EFHC1: variants seen among roughly 807,000 people sequenced by gnomAD.
EFHC1 encodes EF-hand domain containing 1, also known as EF-hand domain-containing protein 1.
EFHC1 carries 53 observed loss-of-function variants against 69.9 expected under a neutral mutation model. That is an observed-to-expected ratio of 0.76 (90% CI 0.61 to 0.95). The LOEUF (loss-of-function observed/expected upper bound fraction) is 0.95. Among genes scored for constraint, EFHC1 ranks in the 40% least tolerant of loss-of-function variants. The pLI is 0.00. For synonymous variants in EFHC1, 256 were observed against 278.4 expected, an observed-to-expected ratio of 0.92 and a Z score of 0.80; for missense variants, 739 against 798.7, an observed-to-expected ratio of 0.93 and a Z score of 0.90.
At position 52,471,058 on chromosome 6, in the gene EFHC1, A is replaced by G. The variant is rs112003811; in HGVS notation, c.1278+1585A>G. On this transcript the variant is annotated intron_variant, in intron 7 of 10. Coordinates refer to ENST00000371068, the MANE Select transcript of EFHC1 (RefSeq NM_018100.4). ...TTGAAGGTGCTGGACAACTAGCAAG[A>G]TGTGAAGAATCACAGAGCAAGAACC... Among the ~76,000 whole-genome samples, 1,349 of 152,330 alleles carry G rather than the reference A, an allele frequency of 8.9e-3. 16 individuals are homozygous for G. Among genetic ancestry groups the G allele is most frequent in the African/African-American group, 0.031 (1,303 of 41,564 alleles).
chr6:52,436,422 C>T (rs938980706), intron 2 of EFHC1, among the ~76,000 whole-genome samples: 1 of 151,630 alleles, frequency 6.6e-6, no homozygotes, highest in Non-Finnish European at 1.5e-5. Context: ...ATTATTTCAT[C>T]TTTCCATTTA....
Position 52,496,222 on chromosome 6 carries a change from AC to A in EFHC1, c.*3882del, listed in dbSNP as rs1265251725. On this transcript the variant is annotated 3_prime_UTR_variant, in exon 11 of 11. Coordinates refer to ENST00000371068, the MANE Select transcript of EFHC1 (RefSeq NM_018100.4). The stretch of plus-strand genomic sequence containing the variant: ...CACACACACACCCACACACACACAC[AC>A]ACAAAGAGAGAATGAGAATTATTAA... 1.3e-5 allele frequency: 2 copies of A among 155,330 alleles called. No individual in the cohort carries two copies. The highest frequency in any genetic ancestry group is 4.8e-5 in the African/African-American group (2 of 41,396). 9.6% of individuals were successfully genotyped at this position (155,330 alleles called of 1,614,324 possible).
rs948820237 is a variant in EFHC1, at chr6:52,495,692, A to G, written c.*3351A>G. Reference sequence around the variant, plus strand: ...CAGCCTCAAACTCCTGGGCTCATGCAATCCTCCTGCCTCAGCCTTCTGAGT... The same window carrying G: ...CAGCCTCAAACTCCTGGGCTCATGCGATCCTCCTGCCTCAGCCTTCTGAGT... On this transcript the variant is annotated 3_prime_UTR_variant, in exon 11 of 11. Coordinates refer to ENST00000371068, the MANE Select transcript of EFHC1 (RefSeq NM_018100.4). 3 of 428,206 alleles carry G rather than the reference A, an allele frequency of 7.0e-6. No individual in the cohort carries two copies. The highest frequency in any genetic ancestry group is 7.1e-5 in the East Asian group (1 of 14,142). The allele number at this position is 428,206 out of a possible 1,614,324, so 26.5% of individuals were successfully genotyped here.
chr6:52,451,036 G>A (rs1193159153), intron 3 of EFHC1, among the ~76,000 whole-genome samples: 1 of 152,146 alleles, frequency 6.6e-6, no homozygotes, highest in African/African-American at 2.4e-5. Flanking sequence ...CTGACCTCAA[G>A]TGATCCACCC....
chr6:52,421,646 C>CA (rs1415874636), intron 1 of EFHC1, among the ~76,000 whole-genome samples: 1 of 152,142 alleles, frequency 6.6e-6, no homozygotes, highest in African/African-American at 2.4e-5. Flanking sequence ...AATATTTTGT[C>CA]AATTTATTTT....
At chr6:52,474,440 T>C (rs975438558) in intron 7 of EFHC1, among the ~76,000 whole-genome samples, 2 of 152,190 alleles carry the variant, frequency 1.3e-5, no homozygotes, top group African/African-American at 2.4e-5. Flanking sequence ...TATGTAACCA[T>C]AGGAACTCTC....
intron 3 of EFHC1, among the ~76,000 whole-genome samples, chr6:52,444,670 G>A (rs1430576433): frequency 2.0e-5 from 3 of 152,182 alleles, no homozygotes; most frequent in Non-Finnish European, 4.4e-5. Flanking sequence ...GCTTTTTGAT[G>A]TGCTGCTGGA....
chr6:52,479,295 G>A, intron 8 of EFHC1, 45 bp downstream of exon 8: 2 of 1,597,536 alleles, frequency 1.3e-6, no homozygotes, highest in Non-Finnish European at 1.7e-6. Context: ...CTGCCTGAAT[G>A]AGTTCTTAAT....
intron 1 of EFHC1, chr6:52,420,952 C>G (rs1207296333): frequency 1.0e-6 from 1 of 992,050 alleles, no homozygotes; most frequent in East Asian, 7.9e-5. Context: ...CCCACAGGTC[C>G]GTCATTCCCG....
At chr6:52,453,983 C>T (rs749450192) in intron 4 of EFHC1, 112 bp from the exon 5 acceptor site, 1 of 1,581,766 alleles carries the variant, frequency 6.3e-7, no homozygotes, top group East Asian at 2.3e-5. Flanking sequence ...TCTGAAATTA[C>T]TTCATAGTCT....
At chr6:52,490,387 G>T in intron 10 of EFHC1, 37 bp downstream of exon 10, 4 of 1,557,986 alleles carry the variant, frequency 2.6e-6, no homozygotes, top group Non-Finnish European at 3.5e-6. Flanking sequence ...CATTGCAGAG[G>T]CTAGGCACTG....
chr6:52,470,501 G>C (rs927161257), intron 7 of EFHC1, among the ~76,000 whole-genome samples: 1 of 152,146 alleles, frequency 6.6e-6, no homozygotes, highest in Admixed American at 6.6e-5. Context: ...GTAGGCAAAA[G>C]AATTTATTTC....
chr6:52,467,680 A>G (rs984302370), intron 6 of EFHC1, among the ~76,000 whole-genome samples: 2 of 152,198 alleles, frequency 1.3e-5, no homozygotes, highest in Non-Finnish European at 2.9e-5. Context: ...GCCCTTTTGT[A>G]TAATAAAACT....
At chr6:52,453,554 A>C in intron 4 of EFHC1, 1 of 1,285,474 alleles carries the variant, frequency 7.8e-7, no homozygotes. Context: ...TGTTCATATC[A>C]GTCATATATC....
At chr6:52,479,909 A>G in intron 9 of EFHC1, 122 bp downstream of exon 9, 1 of 1,461,050 alleles carries the variant, frequency 6.8e-7, no homozygotes, top group African/African-American at 1.4e-5. Context: ...GAATTATTAG[A>G]TATAAACAGA....
At chr6:52,447,355 G>A (rs1254524371) in intron 3 of EFHC1, among the ~76,000 whole-genome samples, 2 of 151,720 alleles carry the variant, frequency 1.3e-5, no homozygotes, top group African/African-American at 4.8e-5. Flanking sequence ...TGATCTAATC[G>A]GCTACTGAAG....
chr6:52,491,554 G>A (rs914182425), intron 10 of EFHC1, among the ~76,000 whole-genome samples: 3 of 145,772 alleles, frequency 2.1e-5, no homozygotes, highest in Admixed American at 6.8e-5. Context: ...TTATAAATAT[G>A]GATGTTAGTT....
intron 7 of EFHC1, among the ~76,000 whole-genome samples, chr6:52,472,376 A>G (rs1470284604): frequency 3.9e-5 from 6 of 152,196 alleles, no homozygotes; most frequent in Non-Finnish European, 1.5e-5. Context: ...GAAGCGAATA[A>G]ACAAGTATAT....
At chr6:52,422,372 A>G (rs1379787342) in intron 1 of EFHC1, among the ~76,000 whole-genome samples, 1 of 152,172 alleles carries the variant, frequency 6.6e-6, no homozygotes, top group Non-Finnish European at 1.5e-5. Context: ...ATTTTGTTCT[A>G]TGTCATGTTT....
Sources: allele counts gnomAD v4.1 joint callset (sites outside exome capture counted in the v4.1 genomes callset), GRCh38; gene constraint gnomAD v4.1.1; transcripts MANE v1.5; gene names NCBI Gene and HGNC (gene_info 2026-07-23, HGNC 2026-07-21).